The following RAB38 variants were observed in gnomAD, a reference collection of about 807,000 sequenced individuals.
RAB38 encodes RAB38, member RAS oncogene family.
In RAB38, 15 loss-of-function variants were observed where a neutral mutation model predicts 18.4. That is an observed-to-expected ratio of 0.82 (90% CI 0.55 to 1.26). The LOEUF is 1.26. Ranked by LOEUF, RAB38 falls within the 50% of genes most tolerant of loss-of-function variation. RAB38 has a pLI of 0.00. For missense variants in RAB38, 294 were observed against 267.4 expected, an observed-to-expected ratio of 1.10 and a Z score of -0.69; for synonymous variants, 101 against 104.4, an observed-to-expected ratio of 0.97 and a Z score of 0.20.
At chr11:87,955,280 C>T in the RAB38 span, among the ~76,000 whole-genome samples, 2 of 152,194 alleles carry the variant, frequency 1.3e-5, no homozygotes. Flanking sequence ...TATATTTCCT[C>T]TCTAGTCTCA....
At chr11:87,921,110 G>C in the RAB38 span, among the ~76,000 whole-genome samples, 1 of 152,040 alleles carries the variant, frequency 6.6e-6, no homozygotes, top group African/African-American at 2.4e-5. Flanking sequence ...ACCCATTCCT[G>C]TGATAATGGC....
At chr11:87,908,533 C>G in the RAB38 span, among the ~76,000 whole-genome samples, 3 of 152,040 alleles carry the variant, frequency 2.0e-5, no homozygotes, top group African/African-American at 7.2e-5. Context: ...GGTCTGCTTA[C>G]TTACTCTGAA....
chr11:87,976,572 TAA>T, the RAB38 span, among the ~76,000 whole-genome samples: 1 of 82,834 alleles, frequency 1.2e-5, no homozygotes, highest in Admixed American at 1.7e-4. Flanking sequence ...AACTATACAA[TAA>T]ATATATATAT....
the RAB38 span, among the ~76,000 whole-genome samples, chr11:88,049,533 ACT>A: frequency 1.3e-5 from 2 of 150,400 alleles, no homozygotes; most frequent in African/African-American, 4.9e-5. Flanking sequence ...CCCTTCGCTG[ACT>A]CTCTTTTCGG....
Position 88,175,297 on chromosome 11 carries a change from C to T in RAB38, c.88G>A (p.Val30Met). The change falls in exon 1 of 3, where the codon GTG (valine) becomes ATG (methionine). Residue 30 changes from valine to methionine, a missense_variant. Coordinates refer to ENST00000243662, the MANE Select transcript of RAB38 (RefSeq NM_022337.3). Reference protein sequence around the residue: ...VGKTSIIKRYVHQNFSSHYRA... With the variant: ...VGKTSIIKRYMHQNFSSHYRA... ...TAGTGCGAAGAGAAGTTCTGGTGCA[C>T]GTAGCGCTTGATGATACTGGTCTTC... The T allele has an allele frequency of 6.2e-7, 1 of 1,614,202 alleles. No homozygotes were observed.
chr11:88,129,947 A>G (rs1250538419), intron 2 of RAB38, among the ~76,000 whole-genome samples: 1 of 136,592 alleles, frequency 7.3e-6, no homozygotes, highest in Non-Finnish European at 1.7e-5. Flanking sequence ...AAAAAAAAAC[A>G]GCCATAAATT....
At chr11:87,911,630 G>C in the RAB38 span, among the ~76,000 whole-genome samples, 2 of 151,876 alleles carry the variant, frequency 1.3e-5, no homozygotes, top group Non-Finnish European at 2.9e-5. Context: ...AGATTCCATA[G>C]GATTTTCAAT....
chr11:88,058,865 C>T, the RAB38 span, among the ~76,000 whole-genome samples: 1 of 152,236 alleles, frequency 6.6e-6, no homozygotes, highest in Middle Eastern at 3.4e-3. Flanking sequence ...ACATTTCCTC[C>T]TTTCTTTGGG....
At chr11:87,948,332 C>A in the RAB38 span, among the ~76,000 whole-genome samples, 1 of 152,074 alleles carries the variant, frequency 6.6e-6, no homozygotes, top group Non-Finnish European at 1.5e-5. Context: ...ACAACCATGT[C>A]ATCTGCAAAC....
the RAB38 span, among the ~76,000 whole-genome samples, chr11:88,067,986 T>TAA: frequency 6.8e-6 from 1 of 147,878 alleles, no homozygotes; most frequent in African/African-American, 2.5e-5. Context: ...TATATACTTA[T>TAA]ATATATACAC....
the RAB38 span, among the ~76,000 whole-genome samples, chr11:87,899,947 T>G: frequency 6.6e-6 from 1 of 151,182 alleles, no homozygotes; most frequent in Non-Finnish European, 1.5e-5. Context: ...CTTGTCTCTC[T>G]CTACTCCTTC....
intron 1 of RAB38, among the ~76,000 whole-genome samples, chr11:88,157,213 C>T (rs1015711130): frequency 6.6e-6 from 1 of 152,142 alleles, no homozygotes; most frequent in African/African-American, 2.4e-5. Flanking sequence ...AGATAAATCA[C>T]ACTTTAAACT....
the RAB38 span, among the ~76,000 whole-genome samples, chr11:87,897,596 A>G: frequency 2.0e-5 from 3 of 151,712 alleles, no homozygotes; most frequent in African/African-American, 7.2e-5. Flanking sequence ...TTTTCCCCAA[A>G]ATTTCTAGAG....
intron 2 of RAB38, among the ~76,000 whole-genome samples, chr11:88,124,380 A>C (rs1942666550): frequency 6.6e-6 from 1 of 152,230 alleles, no homozygotes; most frequent in African/African-American, 2.4e-5. Context: ...CTCTTCTGAC[A>C]AAAGGCTAAT....
the RAB38 span, among the ~76,000 whole-genome samples, chr11:88,095,235 G>A: frequency 3.1e-4 from 47 of 151,954 alleles, 2 homozygotes; most frequent in South Asian, 9.5e-3. Flanking sequence ...CACCATTCCT[G>A]ACATAATCCC....
At chr11:87,828,720 G>A in the RAB38 span, among the ~76,000 whole-genome samples, 1 of 152,018 alleles carries the variant, frequency 6.6e-6, no homozygotes, top group Non-Finnish European at 1.5e-5. Flanking sequence ...TTATTCTTCA[G>A]TAATTGCTTA....
the RAB38 span, among the ~76,000 whole-genome samples, chr11:87,969,872 T>A: frequency 6.6e-6 from 1 of 152,152 alleles, no homozygotes; most frequent in South Asian, 2.1e-4. Context: ...TAAGCTCCTA[T>A]ATATACAGCA....
chr11:88,031,006 A>G, the RAB38 span, among the ~76,000 whole-genome samples: 1 of 150,990 alleles, frequency 6.6e-6, no homozygotes, highest in African/African-American at 2.4e-5. Context: ...CGAATCCAGC[A>G]GCACATCAAA....
At chr11:87,915,355 G>C in the RAB38 span, among the ~76,000 whole-genome samples, 30 of 152,192 alleles carry the variant, frequency 2.0e-4, no homozygotes, top group South Asian at 1.7e-3. Context: ...GATAAAACAG[G>C]TTGCAGTAAA....
Sources: allele counts gnomAD v4.1 joint callset (sites outside exome capture counted in the v4.1 genomes callset), GRCh38; gene constraint gnomAD v4.1.1; transcripts MANE v1.5; gene names NCBI Gene and HGNC (gene_info 2026-07-23, HGNC 2026-07-21).